Variants in PAX2 observed in about 807,000 individuals in gnomAD.
The protein encoded by PAX2 is paired box 2, also known as paired box protein Pax-2.
Under a neutral mutation model 41.7 loss-of-function variants are expected in PAX2, and 9 were observed. The observed-to-expected ratio is 0.22, with a 90% confidence interval of 0.13 to 0.38. The LOEUF (loss-of-function observed/expected upper bound fraction) is 0.38, where lower values mean the gene tolerates loss of function less well. Among genes scored for constraint, PAX2 ranks in the 10% least tolerant of loss-of-function variants. The pLI is 1.00. For synonymous variants in PAX2, 221 were observed against 212.7 expected, an observed-to-expected ratio of 1.04 and a Z score of -0.34; for missense variants, 418 against 531.6, an observed-to-expected ratio of 0.79 and a Z score of 2.10.
At chr10:100,795,257 A>G (rs1386973133) in intron 5 of PAX2, among the ~76,000 whole-genome samples, 2 of 152,242 alleles carry the variant, frequency 1.3e-5, no homozygotes, top group Non-Finnish European at 2.9e-5. Flanking sequence ...AGTGCCTGCT[A>G]TGTACAAAGT....
chr10:100,757,136 A>C (rs1286312231), intron 3 of PAX2, among the ~76,000 whole-genome samples: 1 of 152,126 alleles, frequency 6.6e-6, no homozygotes, highest in African/African-American at 2.4e-5. Flanking sequence ...GTAGAAGTTG[A>C]TATCTTCTGT....
chr10:100,804,209 T>C (rs986837783), intron 5 of PAX2, among the ~76,000 whole-genome samples: 2 of 151,604 alleles, frequency 1.3e-5, no homozygotes, highest in African/African-American at 4.9e-5. Context: ...GGCCCCTGAA[T>C]AAATGAAGGC....
At chr10:100,811,914 G>A (rs1413001394) in intron 7 of PAX2, among the ~76,000 whole-genome samples, 1 of 152,204 alleles carries the variant, frequency 6.6e-6, no homozygotes, top group African/African-American at 2.4e-5. Flanking sequence ...GAATGCCCTA[G>A]CCCAACCTGA....
chr10:100,783,797 C>T (rs1281208573), intron 5 of PAX2, among the ~76,000 whole-genome samples: 1 of 152,010 alleles, frequency 6.6e-6, no homozygotes, highest in Non-Finnish European at 1.5e-5. Flanking sequence ...CAGTGAAAGC[C>T]TTCAAAGCAA....
chr10:100,792,516 A>G (rs983252085), intron 5 of PAX2, among the ~76,000 whole-genome samples: 1 of 152,206 alleles, frequency 6.6e-6, no homozygotes. Flanking sequence ...GCTCTATTCA[A>G]ATTCTACCAG....
intron 7 of PAX2, among the ~76,000 whole-genome samples, chr10:100,815,289 T>A (rs564120346): frequency 3.6e-4 from 48 of 133,302 alleles, no homozygotes; most frequent in Middle Eastern, 3.7e-3. Flanking sequence ...CTCCTAGTCT[T>A]GTCTGTCAGC....
In PAX2 at chr10:100,748,069, C is replaced by T; in HGVS notation, c.44-1677C>T. On this transcript the variant is annotated intron_variant, in intron 1 of 9. Transcript: ENST00000355243. The surrounding 1 kb of genome is among the most constrained non-coding windows in gnomAD (Gnocchi z 5.0). ...TCGGTGCTGGCGGCCGTGGCGCATT[C>T]CAGGCCCGACTCAGCGCCGACTCGC... 3.0e-6 allele frequency: 3 copies of T among 985,014 alleles called. No homozygotes were observed. The highest frequency in any genetic ancestry group is 3.6e-6 in the Non-Finnish European group (3 of 829,884). The allele number at this position is 985,014 out of a possible 1,614,324, so 61.0% of individuals were successfully genotyped here.
rs993516007 is a variant in PAX2 at position 100,828,053 on chromosome 10, C to T, written c.*434C>T. ...GACCGCAGCGCGGCCCAGCCCCGGGCACCCGCCTCGGACGCTCGGGCGCCA... is the reference window on the plus strand; with the variant it reads ...GACCGCAGCGCGGCCCAGCCCCGGGTACCCGCCTCGGACGCTCGGGCGCCA... On this transcript the variant is annotated 3_prime_UTR_variant, in exon 10 of 10. Transcript: ENST00000355243. This position sits in a 1 kb window ranked among gnomAD's most constrained non-coding sequence, Gnocchi z 6.5. 3.3e-5 allele frequency: 8 copies of T among 238,820 alleles called. No individual in the cohort carries two copies. Among genetic ancestry groups the T allele is most frequent in the Non-Finnish European group, 6.5e-5 (8 of 123,322 alleles). The allele number at this position is 238,820 out of a possible 1,614,324, so 14.8% of individuals were successfully genotyped here. A position where few individuals can be genotyped will look rare whatever the true frequency, so the allele number is the denominator to read the frequency against.
intron 5 of PAX2, among the ~76,000 whole-genome samples, chr10:100,782,861 G>A (rs1213913178): frequency 1.3e-5 from 2 of 152,244 alleles, no homozygotes; most frequent in East Asian, 3.8e-4. Context: ...AAGCTCCTTG[G>A]CACCCCAAGT....
intron 7 of PAX2, among the ~76,000 whole-genome samples, chr10:100,810,728 G>A (rs1170149605): frequency 2.0e-5 from 3 of 152,308 alleles, no homozygotes; most frequent in Middle Eastern, 3.4e-3. Context: ...GCTGCCCAGC[G>A]CTCAGGCCAT....
At chr10:100,739,455 G>A (rs1050877721) in intron 1 of PAX2, among the ~76,000 whole-genome samples, 1 of 152,216 alleles carries the variant, frequency 6.6e-6, no homozygotes, top group Non-Finnish European at 1.5e-5. Context: ...GCGCGCCGCG[G>A]ATGGATCCGA....
intron 5 of PAX2, among the ~76,000 whole-genome samples, chr10:100,805,807 C>G (rs1439633016): frequency 6.6e-6 from 1 of 152,174 alleles, no homozygotes; most frequent in Admixed American, 6.5e-5. Context: ...CTTTGCTGCT[C>G]TAGCGACACC....
intron 1 of PAX2, among the ~76,000 whole-genome samples, chr10:100,739,659 T>A (rs4277047): frequency 0.8 from 121,456 of 152,098 alleles, 48,723 homozygotes; most frequent in East Asian, 1. Context: ...CTGGCCCTGC[T>A]CTCCGTTCCC....
chr10:100,756,025 G>A (rs1845613175), intron 3 of PAX2, among the ~76,000 whole-genome samples: 2 of 152,188 alleles, frequency 1.3e-5, no homozygotes, highest in South Asian at 2.1e-4. Flanking sequence ...GGGAACATGT[G>A]TTTTGGACAG....
chr10:100,804,338 A>G (rs1227436859), intron 5 of PAX2, among the ~76,000 whole-genome samples: 1 of 149,332 alleles, frequency 6.7e-6, no homozygotes, highest in Non-Finnish European at 1.5e-5. Context: ...CATATACACA[A>G]ATCTACACAG....
intron 3 of PAX2, among the ~76,000 whole-genome samples, chr10:100,761,021 C>T (rs1490082338): frequency 6.6e-6 from 1 of 152,084 alleles, no homozygotes; most frequent in South Asian, 2.1e-4. Flanking sequence ...TGCAATGGTC[C>T]TGGAAGGGAA....
At chr10:100,813,758 A>C (rs1377211105) in intron 7 of PAX2, among the ~76,000 whole-genome samples, 1 of 152,216 alleles carries the variant, frequency 6.6e-6, no homozygotes, top group African/African-American at 2.4e-5. Context: ...AGGAACTTAC[A>C]TAAAAATTTG....
intron 5 of PAX2, among the ~76,000 whole-genome samples, chr10:100,794,119 A>G (rs981714968): frequency 6.6e-6 from 1 of 152,196 alleles, no homozygotes; most frequent in Non-Finnish European, 1.5e-5. Flanking sequence ...ATCCTGTCTT[A>G]TCTGCCACTC....
chr10:100,822,386 T>A (rs1848402589), intron 7 of PAX2, among the ~76,000 whole-genome samples: 1 of 152,204 alleles, frequency 6.6e-6, no homozygotes, highest in African/African-American at 2.4e-5. Flanking sequence ...ACTTCTTTAA[T>A]GAGACCAATA....
Sources: allele counts gnomAD v4.1 joint callset (sites outside exome capture counted in the v4.1 genomes callset), GRCh38; gene constraint gnomAD v4.1.1; non-coding constraint Gnocchi (gnomAD v3.1); transcripts MANE v1.5; gene names NCBI Gene and HGNC (gene_info 2026-07-23, HGNC 2026-07-21).